The following MEIKIN variants were observed in gnomAD, a reference collection of about 807,000 sequenced individuals.
MEIKIN encodes meiosis-specific kinetochore protein.
intron 11 of MEIKIN, among the ~76,000 whole-genome samples, chr5:131,845,437 A>C (rs1435881978): frequency 6.6e-6 from 1 of 151,968 alleles, no homozygotes; most frequent in South Asian, 2.1e-4. Context: ...AATGGAAAAG[A>C]AAATCAGCAG....
intron 6 of MEIKIN, among the ~76,000 whole-genome samples, chr5:131,917,583 A>C (rs2149646135): frequency 6.6e-6 from 1 of 151,682 alleles, no homozygotes; most frequent in African/African-American, 2.4e-5. Context: ...AAAAAAAAAA[A>C]ATTAGAAAAC....
chr5:131,939,719 T>C (rs1381304807), intron 4 of MEIKIN, among the ~76,000 whole-genome samples: 6 of 152,188 alleles, frequency 3.9e-5, no homozygotes, highest in Admixed American at 2.0e-4. Flanking sequence ...GGAAAAAGTA[T>C]TTCAGGTTTC....
At chr5:131,928,109 A>T (rs930970600) in intron 5 of MEIKIN, among the ~76,000 whole-genome samples, 2 of 146,014 alleles carry the variant, frequency 1.4e-5, no homozygotes, top group African/African-American at 2.6e-5. Context: ...GCGCCACTGC[A>T]CTCCAGCCTG....
chr5:131,827,986 C>T (rs375129000), intron 11 of MEIKIN, among the ~76,000 whole-genome samples: 25 of 151,622 alleles, frequency 1.6e-4, no homozygotes, highest in African/African-American at 6.1e-4. Flanking sequence ...GAGTTTGAGG[C>T]CGTGAACATG....
intron 6 of MEIKIN, among the ~76,000 whole-genome samples, chr5:131,918,853 C>T (rs1751458184): frequency 6.6e-6 from 1 of 152,154 alleles, no homozygotes; most frequent in Non-Finnish European, 1.5e-5. Flanking sequence ...AGTTTAGCAA[C>T]CACCTTGCAA....
At chr5:131,841,276 T>C (rs1749903749) in intron 11 of MEIKIN, among the ~76,000 whole-genome samples, 1 of 152,112 alleles carries the variant, frequency 6.6e-6, no homozygotes, top group Non-Finnish European at 1.5e-5. Flanking sequence ...TACAATCCAA[T>C]GGGTGGTGCC....
intron 5 of MEIKIN, among the ~76,000 whole-genome samples, chr5:131,926,549 AG>A (rs1751590224): frequency 6.6e-6 from 1 of 152,196 alleles, no homozygotes; most frequent in African/African-American, 2.4e-5. Flanking sequence ...CTGGCCTTAA[AG>A]AATTAGTTTG....
In MEIKIN at chr5:131,894,518, T is replaced by C. The variant is rs1386015793; in HGVS notation, c.704-15470A>G. Among the ~76,000 whole-genome samples, 12 of 152,372 alleles carry C rather than the reference T, an allele frequency of 7.9e-5. No individual in the cohort carries two copies. The East Asian group carries it at 2.3e-3, about 29-fold the overall frequency. ...ATGGCCATTTTCATGATATTGATTC[T>C]TCCTATCCATGTGCATGGAATGTTC... On this transcript the variant is annotated intron_variant, in intron 8 of 12. Coordinates refer to ENST00000442687, the MANE Select transcript of MEIKIN (RefSeq NM_001303622.2).
chr5:131,889,039 C>G (rs1211217956), intron 8 of MEIKIN, among the ~76,000 whole-genome samples: 1 of 152,132 alleles, frequency 6.6e-6, no homozygotes, highest in African/African-American at 2.4e-5. Context: ...GGCATTATTT[C>G]TGAGGGCTCT....
intron 8 of MEIKIN, among the ~76,000 whole-genome samples, chr5:131,891,851 T>A (rs1580893505): frequency 6.6e-6 from 1 of 152,256 alleles, no homozygotes; most frequent in Admixed American, 6.5e-5. Context: ...CAGTGGATGG[T>A]ACCGGTTGTT....
intron 4 of MEIKIN, among the ~76,000 whole-genome samples, chr5:131,941,174 T>G (rs1044859923): frequency 7.9e-6 from 1 of 127,036 alleles, no homozygotes; most frequent in East Asian, 2.9e-4. Flanking sequence ...TTTTTTTTTT[T>G]TGTGACGAAG....
chr5:131,816,262 A>C (rs552912191), intron 12 of MEIKIN, among the ~76,000 whole-genome samples: 1 of 152,342 alleles, frequency 6.6e-6, no homozygotes, highest in African/African-American at 2.4e-5. Flanking sequence ...TGTGTGTGAC[A>C]ACTTGCCTAG....
At chr5:131,905,616 A>G (rs896633822) in intron 8 of MEIKIN, among the ~76,000 whole-genome samples, 5 of 152,256 alleles carry the variant, frequency 3.3e-5, no homozygotes, top group Non-Finnish European at 5.9e-5. Context: ...CTGACCCCAC[A>G]GAAATACAAA....
chr5:131,879,415 T>G (rs1302455253), intron 8 of MEIKIN, among the ~76,000 whole-genome samples: 2 of 152,358 alleles, frequency 1.3e-5, no homozygotes, highest in South Asian at 2.1e-4. Context: ...TTTTTTAAAT[T>G]TCAATAGCTT....
intron 5 of MEIKIN, among the ~76,000 whole-genome samples, chr5:131,925,643 C>T (rs565088148): frequency 2.6e-5 from 4 of 152,004 alleles, no homozygotes; most frequent in Admixed American, 1.3e-4. Flanking sequence ...TTCATTTAAT[C>T]GTTCAAATAA....
chr5:131,916,989 T>C, intron 6 of MEIKIN, 64 bp from the exon 7 acceptor site: 1 of 393,036 alleles, frequency 2.5e-6, no homozygotes, highest in Non-Finnish European at 4.5e-6. Context: ...TAGGTAAAAA[T>C]GAATATTTTC....
At chr5:131,943,755 T>C (rs1394888324) in intron 3 of MEIKIN, among the ~76,000 whole-genome samples, 3 of 152,144 alleles carry the variant, frequency 2.0e-5, no homozygotes, top group Admixed American at 6.5e-5. Flanking sequence ...AAAAGCCTTT[T>C]AAAAAAATGT....
At chr5:131,875,636 A>AG (rs1361590755) in intron 9 of MEIKIN, among the ~76,000 whole-genome samples, 9 of 152,202 alleles carry the variant, frequency 5.9e-5, no homozygotes, top group Admixed American at 2.6e-4. Flanking sequence ...CATAATTGGA[A>AG]AAAACTACTT....
At chr5:131,884,821 C>A (rs1374123105) in intron 8 of MEIKIN, among the ~76,000 whole-genome samples, 1 of 151,958 alleles carries the variant, frequency 6.6e-6, no homozygotes, top group Non-Finnish European at 1.5e-5. Context: ...GGGTGAGTCC[C>A]AGGCAGCATT....
Sources: allele counts gnomAD v4.1 joint callset (sites outside exome capture counted in the v4.1 genomes callset), GRCh38; gene constraint gnomAD v4.1.1; transcripts MANE v1.5; gene names NCBI Gene and HGNC (gene_info 2026-07-23, HGNC 2026-07-21).